Variants in FSTL4 observed in about 807,000 individuals in gnomAD.
FSTL4 encodes the protein follistatin like 4, also known as follistatin-related protein 4.
A neutral mutation model predicts 78.2 loss-of-function variants in FSTL4; 28 were observed. That is an observed-to-expected ratio of 0.36 (90% CI 0.27 to 0.49). FSTL4 has a LOEUF of 0.49. FSTL4 is among the 20% of genes least tolerant of loss of function. FSTL4 has a pLI of 0.98. For synonymous variants in FSTL4, 422 were observed against 440.5 expected (o/e 0.96, Z 0.53); for missense variants, 922 against 1,084.9 (o/e 0.85, Z 2.11).
the FSTL4 span, among the ~76,000 whole-genome samples, chr5:133,682,492 A>G: frequency 6.6e-6 from 1 of 152,258 alleles, no homozygotes; most frequent in Non-Finnish European, 1.5e-5. Context: ...TGCTGGCAAT[A>G]TGCACAGCTA....
the FSTL4 span, among the ~76,000 whole-genome samples, chr5:133,714,305 G>T: frequency 6.6e-6 from 1 of 152,126 alleles, no homozygotes; most frequent in South Asian, 2.1e-4. Flanking sequence ...ACCAGGCCCT[G>T]GGCTCCCTTT....
rs1034397895 is a variant in FSTL4 at position 133,426,741 on chromosome 5, C to G, written c.161-25755G>C. On this transcript the variant is annotated intron_variant, in intron 3 of 15. Transcript: ENST00000265342. The surrounding 1 kb of genome is among the most constrained non-coding windows in gnomAD (Gnocchi z 5.0). ...TGTTATTTCCCAGGGAGACAGTCAG[C>G]CAGTTCTGCTTTAATAATGCACTGA... is the stretch of plus-strand genomic sequence containing the variant. Among the ~76,000 whole-genome samples, 1 of 152,124 alleles carries G rather than the reference C, an allele frequency of 6.6e-6. No homozygotes were observed. The highest frequency in any genetic ancestry group is 2.4e-5 in the African/African-American group (1 of 41,424).
Position 133,206,944 on chromosome 5 carries a change from T to C in FSTL4, c.1716+3247A>G, listed in dbSNP as rs530103083. 8.1e-4 allele frequency among the ~76,000 whole-genome samples: 124 copies of C among 152,296 alleles called. 1 individual carries two copies. The highest frequency in any genetic ancestry group is 2.9e-3 in the African/African-American group (121 of 41,578). On this transcript the variant is annotated intron_variant, in intron 14 of 15. Transcript: ENST00000265342. ...ATATGAAATAATTAATAGTCTCTTT[T>C]TCTTTGCTTTTGAGACCATTGGTAG...
At chr5:133,696,052 C>T in the FSTL4 span, among the ~76,000 whole-genome samples, 7 of 152,228 alleles carry the variant, frequency 4.6e-5, no homozygotes, top group Non-Finnish European at 1.5e-5. Flanking sequence ...ACTTTGTATT[C>T]TTCACACACA....
intron 3 of FSTL4, among the ~76,000 whole-genome samples, chr5:133,490,164 T>C (rs1258783273): frequency 6.6e-6 from 1 of 151,762 alleles, no homozygotes; most frequent in Non-Finnish European, 1.5e-5. Flanking sequence ...CAGGGTGCCA[T>C]GAAAAATGCC....
intron 6 of FSTL4, among the ~76,000 whole-genome samples, chr5:133,253,386 CTG>C (rs1432083630): frequency 6.6e-6 from 1 of 152,240 alleles, no homozygotes; most frequent in Non-Finnish European, 1.5e-5. Flanking sequence ...CTTCCTGTCA[CTG>C]GGCCTCAGTT....
intron 11 of FSTL4, among the ~76,000 whole-genome samples, chr5:133,222,548 G>T (rs73273877): frequency 0.015 from 2,263 of 152,268 alleles, 50 homozygotes; most frequent in African/African-American, 0.05. Context: ...TTAGAAAATC[G>T]GTAGTTGGAA....
At chr5:133,329,520 G>A (rs1348491554) in intron 4 of FSTL4, among the ~76,000 whole-genome samples, 1 of 152,124 alleles carries the variant, frequency 6.6e-6, no homozygotes, top group African/African-American at 2.4e-5. Context: ...GAGCCAGTCC[G>A]AGTCCCAGAA....
At chr5:133,403,061 T>C (rs1244263355) in intron 3 of FSTL4, among the ~76,000 whole-genome samples, 2 of 152,210 alleles carry the variant, frequency 1.3e-5, no homozygotes, top group African/African-American at 4.8e-5. Flanking sequence ...TCCTGGGTTG[T>C]TGGAAAATGG....
intron 4 of FSTL4, among the ~76,000 whole-genome samples, chr5:133,362,304 A>G (rs998181832): frequency 6.6e-6 from 1 of 152,212 alleles, no homozygotes; most frequent in African/African-American, 2.4e-5. Flanking sequence ...TTAGGACATC[A>G]TATTGTGAAA....
chr5:133,239,325 C>T (rs1258849116), intron 7 of FSTL4, among the ~76,000 whole-genome samples: 2 of 151,994 alleles, frequency 1.3e-5, no homozygotes, highest in Admixed American at 6.5e-5. Flanking sequence ...CCATCAACCA[C>T]CCAAGGGCTG....
At chr5:133,229,055 G>A (rs1203664665) in intron 8 of FSTL4, among the ~76,000 whole-genome samples, 1 of 152,128 alleles carries the variant, frequency 6.6e-6, no homozygotes, top group South Asian at 2.1e-4. Flanking sequence ...CACCAGCAAT[G>A]GCCAGACAGA....
At chr5:133,823,623 C>T in the FSTL4 span, among the ~76,000 whole-genome samples, 2,389 of 152,302 alleles carry the variant, frequency 0.016, 70 homozygotes, top group African/African-American at 0.054. Flanking sequence ...TCCTTCCCCA[C>T]TCCTCCACCA....
At chr5:133,770,642 C>T in the FSTL4 span, among the ~76,000 whole-genome samples, 1 of 152,098 alleles carries the variant, frequency 6.6e-6, no homozygotes, top group Admixed American at 6.6e-5. Flanking sequence ...GCATAGTGTG[C>T]AAATATTGTT....
the FSTL4 span, among the ~76,000 whole-genome samples, chr5:133,785,039 G>A: frequency 2.6e-4 from 40 of 152,278 alleles, no homozygotes; most frequent in Non-Finnish European, 5.0e-4. Context: ...AGCCCACAGG[G>A]ACACATTCCT....
the FSTL4 span, among the ~76,000 whole-genome samples, chr5:133,827,160 G>T: frequency 2.8e-4 from 42 of 152,330 alleles, no homozygotes; most frequent in African/African-American, 9.4e-4. Context: ...CTGGGACCTG[G>T]CTGCCTGCCT....
chr5:133,233,326 GA>G, intron 8 of FSTL4, 90 bp downstream of exon 8: 1 of 1,388,096 alleles, frequency 7.2e-7, no homozygotes, highest in Non-Finnish European at 1.0e-6. Flanking sequence ...ATTTCTTTAA[GA>G]AGACAGAATA....
At chr5:133,729,762 G>T in the FSTL4 span, among the ~76,000 whole-genome samples, 1 of 152,150 alleles carries the variant, frequency 6.6e-6, no homozygotes, top group Non-Finnish European at 1.5e-5. Context: ...AAGAGTATAA[G>T]ATTCAGAAGG....
chr5:133,819,386 C>T, the FSTL4 span, among the ~76,000 whole-genome samples: 2 of 152,146 alleles, frequency 1.3e-5, no homozygotes, highest in African/African-American at 2.4e-5. Context: ...TGCTCACACC[C>T]TGCTCCTCCA....
Sources: allele counts gnomAD v4.1 joint callset (sites outside exome capture counted in the v4.1 genomes callset), GRCh38; gene constraint gnomAD v4.1.1; non-coding constraint Gnocchi (gnomAD v3.1); transcripts MANE v1.5; gene names NCBI Gene and HGNC (gene_info 2026-07-23, HGNC 2026-07-21).